Variants in SAMD8 observed in about 807,000 individuals in gnomAD.
SAMD8 encodes the protein sterile alpha motif domain containing 8.
Under a neutral mutation model 42.0 loss-of-function variants are expected in SAMD8, and 20 were observed. That is an observed-to-expected ratio of 0.48 (90% CI 0.34 to 0.69). The LOEUF (loss-of-function observed/expected upper bound fraction) is 0.69. SAMD8 is among the 30% of genes least tolerant of loss of function. SAMD8 has a pLI of 0.01. For synonymous variants in SAMD8, 162 were observed against 173.0 expected (o/e 0.94, Z 0.50); for missense variants, 328 against 511.6 (o/e 0.64, Z 3.46).
chr10:75,129,760 GT>G (rs1296141646), intron 1 of SAMD8, among the ~76,000 whole-genome samples: 2 of 152,152 alleles, frequency 1.3e-5, no homozygotes, highest in African/African-American at 4.8e-5. Flanking sequence ...TTTGTGTTAG[GT>G]TTAGCTGTGA....
chr10:75,103,363 A>T (rs138525962), intron 1 of SAMD8, among the ~76,000 whole-genome samples: 12 of 152,318 alleles, frequency 7.9e-5, no homozygotes, highest in African/African-American at 2.9e-4. Context: ...ACAGGTGTAG[A>T]GCAGGTCTTC....
At chr10:75,111,464 C>T, upstream of SAMD8, 1 of 1,211,210 alleles carries the variant, frequency 8.3e-7, no homozygotes, top group Non-Finnish European at 1.0e-6. Context: ...GAACCCCGTC[C>T]CCGGCCGGTA....
rs1469407646 is a variant in SAMD8, at chr10:75,181,676, G to A, written c.*4984G>A. On this transcript the variant is annotated 3_prime_UTR_variant, in exon 6 of 6. Coordinates refer to ENST00000542569, the MANE Select transcript of SAMD8 (RefSeq NM_001174156.2). The stretch of plus-strand genomic sequence containing the variant: ...TATGGTAATTTCATTGTTACTTCAG[G>A]TCTCTTTCAATCTGAAGAACTGGGT... The A allele has an allele frequency of 6.6e-6, 1 of 152,128 alleles. No homozygotes were observed. Among genetic ancestry groups the A allele is most frequent in the Admixed American group, 6.6e-5 (1 of 15,266 alleles). The allele number at this position is 152,128 out of a possible 1,614,324, so 9.4% of individuals were successfully genotyped here.
rs572636900 is a variant in SAMD8, at chr10:75,136,096, C to A, written c.-15-14418C>A. 1.6e-4 allele frequency among the ~76,000 whole-genome samples: 24 copies of A among 151,760 alleles called. 1 individual carries two copies. In the South Asian group the frequency reaches 4.8e-3, roughly 30 times the overall value. ...CTTTTGGTTTTTTTTTGGCTAGATA[C>A]ACTCTCATTTTGCCTTTCCTCCCTT... On this transcript the variant is annotated intron_variant, in intron 1 of 5. Coordinates refer to ENST00000542569, the MANE Select transcript of SAMD8 (RefSeq NM_001174156.2).
In SAMD8 at chr10:75,111,686, G is replaced by A; in HGVS notation, c.-52G>A. The A allele has an allele frequency of 2.4e-5, 30 of 1,237,864 alleles. No individual in the cohort carries two copies. Among genetic ancestry groups the A allele is most frequent in the Non-Finnish European group, 3.0e-5 (30 of 991,108 alleles). The allele number at this position is 1,237,864 out of a possible 1,614,324, so 76.7% of individuals were successfully genotyped here. ...CCGACGGCGGCTCGGACGCCGACTC[G>A]GAGGTGGGTCCGGGGAGCCCGACTC... On this transcript the variant is annotated 5_prime_UTR_variant, in exon 1 of 6. Coordinates refer to ENST00000542569, the MANE Select transcript of SAMD8 (RefSeq NM_001174156.2).
chr10:75,109,319 C>T (rs1028730060), upstream of SAMD8: 3 of 648,198 alleles, frequency 4.6e-6, no homozygotes, highest in Admixed American at 1.2e-4. Context: ...CCCCAAGCCT[C>T]CCCCCACCCC....
intron 1 of SAMD8, among the ~76,000 whole-genome samples, chr10:75,133,170 G>A (rs1300098622): frequency 6.6e-6 from 1 of 152,172 alleles, no homozygotes; most frequent in African/African-American, 2.4e-5. Context: ...GGAGGCTGAG[G>A]CAGGCAGATT....
intron 2 of SAMD8, among the ~76,000 whole-genome samples, chr10:75,157,608 A>G (rs1840442784): frequency 2.0e-5 from 3 of 152,280 alleles, no homozygotes; most frequent in South Asian, 4.1e-4. Context: ...GAAGGATGAG[A>G]TGTATAAAAT....
At chr10:75,138,958 CTTTTTTTTTT>C (rs201911661) in intron 1 of SAMD8, among the ~76,000 whole-genome samples, 1 of 133,312 alleles carries the variant, frequency 7.5e-6, no homozygotes, top group Non-Finnish European at 1.6e-5. Context: ...GTGGTTTTTT[CTTTTTTTTTT>C]TTTTTTTTTG....
intron 1 of SAMD8, among the ~76,000 whole-genome samples, chr10:75,117,420 TAAAA>T (rs56378736): frequency 7.2e-6 from 1 of 139,538 alleles, no homozygotes; most frequent in African/African-American, 2.6e-5. Context: ...GGCCCTATCT[TAAAA>T]AAAAAAAAGG....
chr10:75,121,606 C>T (rs1849006869), intron 1 of SAMD8, among the ~76,000 whole-genome samples: 1 of 152,128 alleles, frequency 6.6e-6, no homozygotes, highest in Admixed American at 6.5e-5. Flanking sequence ...TCTGGGACTT[C>T]CTGGTTTTGC....
At chr10:75,107,963 G>A (rs1554855455), upstream of SAMD8, 7 of 1,589,798 alleles carry the variant, frequency 4.4e-6, no homozygotes, top group South Asian at 6.8e-5. Flanking sequence ...TGAGCAAGAT[G>A]GGATATGGGC....
chr10:75,174,954 A>G (rs1840958364), intron 4 of SAMD8, among the ~76,000 whole-genome samples: 1 of 152,148 alleles, frequency 6.6e-6, no homozygotes, highest in Non-Finnish European at 1.5e-5. Flanking sequence ...GTCTGGTATG[A>G]TAATTTTACG....
At chr10:75,163,403 C>T (rs1320775068) in intron 2 of SAMD8, among the ~76,000 whole-genome samples, 2 of 151,996 alleles carry the variant, frequency 1.3e-5, no homozygotes, top group Admixed American at 6.6e-5. Context: ...TTTCTTCCTC[C>T]CTTCCTCCCT....
chr10:75,117,716 T>TCAAA (rs374153741), intron 1 of SAMD8, among the ~76,000 whole-genome samples: 37 of 152,300 alleles, frequency 2.4e-4, no homozygotes, highest in African/African-American at 8.4e-4. Flanking sequence ...AAATGCTTTC[T>TCAAA]CAAACAAACA....
intron 1 of SAMD8, among the ~76,000 whole-genome samples, chr10:75,117,658 A>G (rs1284241256): frequency 1.3e-5 from 2 of 152,228 alleles, no homozygotes; most frequent in Non-Finnish European, 2.9e-5. Flanking sequence ...CAGAGGTTGC[A>G]GTGAGCCGAG....
At chr10:75,132,844 T>C (rs1173215946) in intron 1 of SAMD8, among the ~76,000 whole-genome samples, 1 of 151,352 alleles carries the variant, frequency 6.6e-6, no homozygotes, top group Non-Finnish European at 1.5e-5. Context: ...AGAAAACTAA[T>C]TGGGCTTGGT....
intron 1 of SAMD8, among the ~76,000 whole-genome samples, chr10:75,149,656 T>C (rs1840234016): frequency 6.6e-6 from 1 of 152,214 alleles, no homozygotes; most frequent in South Asian, 2.1e-4. Flanking sequence ...TTATGTTTAT[T>C]TCCCCCCAGG....
At chr10:75,101,862 C>G (rs550891424) in intron 1 of SAMD8, 3 of 1,366,202 alleles carry the variant, frequency 2.2e-6, no homozygotes, top group East Asian at 9.1e-5. Flanking sequence ...GGAGCACTCA[C>G]CCACCTGTGG....
Sources: gnomAD v4.1 joint callset for allele counts (sites outside exome capture counted in the v4.1 genomes callset) on GRCh38, gnomAD v4.1.1 for gene constraint, MANE v1.5 for transcripts, NCBI Gene and HGNC (gene_info 2026-07-23, HGNC 2026-07-21) for gene names.